Variants in NTRK2 observed in about 807,000 individuals in gnomAD.
NTRK2 encodes neurotrophic receptor tyrosine kinase 2.
A neutral mutation model predicts 94.5 loss-of-function variants in NTRK2; 13 were observed. The observed-to-expected ratio is 0.14, with a 90% confidence interval of 0.09 to 0.22. The LOEUF is 0.22. NTRK2 is among the 10% of genes least tolerant of loss of function. NTRK2 has a pLI of 1.00. For synonymous variants in NTRK2, 372 were observed against 407.4 expected (o/e 0.91, Z 1.05); for missense variants, 639 against 1,071.2 (o/e 0.60, Z 5.63).
At chr9:84,684,077 G>C (rs900570808) in intron 2 of NTRK2, among the ~76,000 whole-genome samples, 2 of 151,272 alleles carry the variant, frequency 1.3e-5, no homozygotes, top group Non-Finnish European at 2.9e-5. Flanking sequence ...TAAGTTCCTT[G>C]TAGATTCTGG....
intron 16 of NTRK2, among the ~76,000 whole-genome samples, chr9:84,954,195 G>A (rs540935834): frequency 1.5e-3 from 222 of 152,350 alleles, no homozygotes; most frequent in Non-Finnish European, 2.7e-3. Flanking sequence ...CCAGAGAGAA[G>A]CCCTTGGCCA....
intron 11 of NTRK2, among the ~76,000 whole-genome samples, chr9:84,749,271 T>C (rs1162003661): frequency 6.6e-6 from 1 of 152,146 alleles, no homozygotes; most frequent in African/African-American, 2.4e-5. Flanking sequence ...AGAAGCGTTT[T>C]TGGGGAGATA....
chr9:85,017,148 G>T (rs1832325623), intron 17 of NTRK2, among the ~76,000 whole-genome samples: 1 of 152,172 alleles, frequency 6.6e-6, no homozygotes, highest in African/African-American at 2.4e-5. Context: ...GACATATGAT[G>T]ATTCTTCTTA....
At chr9:84,870,124 T>TAC (rs1410375278) in intron 14 of NTRK2, among the ~76,000 whole-genome samples, 15 of 109,974 alleles carry the variant, frequency 1.4e-4, no homozygotes, top group Non-Finnish European at 1.6e-4. Context: ...TATATATATA[T>TAC]ATACACACAC....
chr9:84,686,334 G>C (rs969948503), intron 2 of NTRK2, among the ~76,000 whole-genome samples: 1 of 152,240 alleles, frequency 6.6e-6, no homozygotes, highest in African/African-American at 2.4e-5. Context: ...CAGATGAAGA[G>C]AGATGCAGAG....
intron 12 of NTRK2, among the ~76,000 whole-genome samples, chr9:84,823,821 G>A (rs973802315): frequency 1.3e-5 from 2 of 152,190 alleles, no homozygotes; most frequent in African/African-American, 2.4e-5. Flanking sequence ...AAATGTTGCC[G>A]TTTGTGACTT....
intron 14 of NTRK2, among the ~76,000 whole-genome samples, chr9:84,900,376 A>G (rs939281963): frequency 2.0e-4 from 31 of 152,192 alleles, no homozygotes; most frequent in Non-Finnish European, 4.4e-4. Flanking sequence ...CTAGCTCCTA[A>G]GCTTCCTGAG....
intron 12 of NTRK2, among the ~76,000 whole-genome samples, chr9:84,828,013 T>C (rs2073297555): frequency 6.6e-6 from 1 of 152,230 alleles, no homozygotes; most frequent in Non-Finnish European, 1.5e-5. Flanking sequence ...GCCTTTCTTT[T>C]GAAACTTGCC....
At chr9:84,689,128 T>C (rs1371068740) in intron 2 of NTRK2, among the ~76,000 whole-genome samples, 1 of 152,244 alleles carries the variant, frequency 6.6e-6, no homozygotes, top group Non-Finnish European at 1.5e-5. Context: ...TGCGCATGTG[T>C]GGAGCTATCT....
chr9:84,827,549 T>A (rs550884193), intron 12 of NTRK2, among the ~76,000 whole-genome samples: 10 of 152,176 alleles, frequency 6.6e-5, no homozygotes, highest in South Asian at 2.1e-4. Flanking sequence ...TGGCAAACAA[T>A]GTACATTTTT....
At chr9:84,965,069 G>C (rs1825394913) in intron 17 of NTRK2, among the ~76,000 whole-genome samples, 1 of 152,154 alleles carries the variant, frequency 6.6e-6, no homozygotes, top group Non-Finnish European at 1.5e-5. Context: ...TCTCCAGTGA[G>C]TATTGAGCAA....
chr9:84,999,862 C>G (rs1830147391), intron 17 of NTRK2, among the ~76,000 whole-genome samples: 1 of 152,152 alleles, frequency 6.6e-6, no homozygotes, highest in African/African-American at 2.4e-5. Flanking sequence ...TGTAGGTTTC[C>G]TCCAAGCCAC....
chr9:84,860,886 GGTTT>G (rs201644979), intron 12 of NTRK2, among the ~76,000 whole-genome samples, 150 bp from the exon 13 acceptor site: 3 of 139,266 alleles, frequency 2.2e-5, no homozygotes, highest in Non-Finnish European at 4.6e-5. Flanking sequence ...CATCCCAAGT[GGTTT>G]GTTTATTTAT....
chr9:84,721,726 T>C (rs1052541611), intron 6 of NTRK2, among the ~76,000 whole-genome samples: 1 of 152,162 alleles, frequency 6.6e-6, no homozygotes, highest in African/African-American at 2.4e-5. Flanking sequence ...TTAAAAGAGA[T>C]GAAATGGGTG....
At chr9:84,812,998 T>G (rs2071982333) in intron 12 of NTRK2, 3 of 1,035,632 alleles carry the variant, frequency 2.9e-6, no homozygotes, top group Non-Finnish European at 3.5e-6. Flanking sequence ...ATAGCTTCTC[T>G]TTTCTGTACT....
rs1294727597 is a variant in NTRK2 at position 85,022,215 on chromosome 9, C to T, written c.*778C>T. On this transcript the variant is annotated 3_prime_UTR_variant, in exon 19 of 19. Coordinates refer to ENST00000277120, the MANE Select transcript of NTRK2 (RefSeq NM_006180.6). ...CTGGGAAGAATGTATTCGGCACCTT[C>T]CCCTGAGGACCTTTCTGAGGAGTAA... The T allele has an allele frequency of 8.6e-6, 2 of 233,192 alleles. No homozygotes were observed. The highest frequency in any genetic ancestry group is 4.4e-5 in the African/African-American group (2 of 45,342). The allele number at this position is 233,192 out of a possible 1,614,324, so 14.4% of individuals were successfully genotyped here.
chr9:84,742,893 C>G (rs945964639), intron 10 of NTRK2, among the ~76,000 whole-genome samples: 2 of 150,882 alleles, frequency 1.3e-5, no homozygotes, highest in Admixed American at 1.3e-4. Flanking sequence ...CTCCGCCTCC[C>G]GAGTTCAAGC....
intron 12 of NTRK2, among the ~76,000 whole-genome samples, chr9:84,759,215 C>A (rs2065333669): frequency 6.6e-6 from 1 of 152,176 alleles, no homozygotes; most frequent in Admixed American, 6.5e-5. Flanking sequence ...GAAAGCTTTT[C>A]CCGTGTGTTT....
At chr9:84,821,343 A>T (rs2072813285) in intron 12 of NTRK2, among the ~76,000 whole-genome samples, 1 of 101,964 alleles carries the variant, frequency 9.8e-6, no homozygotes, top group South Asian at 4.0e-4. Flanking sequence ...ACACACACAC[A>T]CACCCCTATG....
Sources: allele counts gnomAD v4.1 joint callset (sites outside exome capture counted in the v4.1 genomes callset), GRCh38; gene constraint gnomAD v4.1.1; transcripts MANE v1.5; gene names NCBI Gene and HGNC (gene_info 2026-07-23, HGNC 2026-07-21).